FARS2: variants seen among roughly 807,000 people sequenced by gnomAD.
FARS2 encodes the protein phenylalanine--tRNA ligase, mitochondrial.
A neutral mutation model predicts 46.4 loss-of-function variants in FARS2; 40 were observed. That is an observed-to-expected ratio of 0.86 (90% confidence interval 0.67 to 1.12). The LOEUF (loss-of-function observed/expected upper bound fraction) is 1.12, where lower values mean the gene tolerates loss of function less well. Among genes scored for constraint, FARS2 ranks in the 50% most tolerant of loss-of-function variants. The probability of loss-of-function intolerance (pLI) is 0.00; values close to 1 mark genes in which losing one functional copy is unlikely to be tolerated. For synonymous variants in FARS2, 234 were observed against 214.9 expected (o/e 1.09, Z -0.78); for missense variants, 513 against 567.9 (o/e 0.90, Z 0.98).
intron 4 of FARS2, among the ~76,000 whole-genome samples, chr6:5,434,751 C>T (rs1763424109): frequency 6.6e-6 from 1 of 151,538 alleles, no homozygotes; most frequent in Non-Finnish European, 1.5e-5. Context: ...CTCCCCTGCT[C>T]TCCCTTCCTT....
intron 4 of FARS2, among the ~76,000 whole-genome samples, chr6:5,510,301 T>G (rs1342203634): frequency 6.6e-6 from 1 of 152,192 alleles, no homozygotes; most frequent in African/African-American, 2.4e-5. Context: ...AGACTCTGCC[T>G]GGGTCGACCC....
intron 1 of FARS2, among the ~76,000 whole-genome samples, chr6:5,305,182 C>CT (rs1768608652): frequency 6.6e-6 from 1 of 152,196 alleles, no homozygotes. Context: ...TGTTCTAGAT[C>CT]TTTGTCATTG....
rs1299829507 is a variant in FARS2 at position 5,753,454 on chromosome 6, T to C, written c.1218-17837T>C. 2.0e-5 allele frequency among the ~76,000 whole-genome samples: 3 copies of C among 152,320 alleles called. No homozygotes were observed. The South Asian group carries it at 6.2e-4, about 32-fold the overall frequency. ...TGCCTGCATTTGTGAGTTGCTGTTT[T>C]TGTCATTGGAATAGACCAGTTTCTG... is the stretch of plus-strand genomic sequence containing the variant. On this transcript the variant is annotated intron_variant, in intron 6 of 6. Coordinates refer to ENST00000274680, the MANE Select transcript of FARS2 (RefSeq NM_006567.5).
At chr6:5,456,045 T>C (rs1764836366) in intron 4 of FARS2, among the ~76,000 whole-genome samples, 1 of 151,992 alleles carries the variant, frequency 6.6e-6, no homozygotes, top group South Asian at 2.1e-4. Context: ...GGTGAAACCC[T>C]GTCTCTCCAA....
At chr6:5,284,860 G>C in intron 1 of FARS2, among the ~76,000 whole-genome samples, 1 of 152,138 alleles carries the variant, frequency 6.6e-6, no homozygotes. Flanking sequence ...TTTCGACTCC[G>C]GTGATCACTG....
At chr6:5,500,326 A>G (rs1767714587) in intron 4 of FARS2, among the ~76,000 whole-genome samples, 2 of 152,334 alleles carry the variant, frequency 1.3e-5, no homozygotes, top group South Asian at 2.1e-4. Context: ...AGGCTGGGAA[A>G]GTACTCATAG....
At chr6:5,720,787 C>G (rs556172598) in intron 6 of FARS2, among the ~76,000 whole-genome samples, 38 of 152,284 alleles carry the variant, frequency 2.5e-4, no homozygotes, top group African/African-American at 8.7e-4. Context: ...GGCTCATGCT[C>G]TATAGTCCCA....
At chr6:5,592,713 G>A (rs762626905) in intron 5 of FARS2, among the ~76,000 whole-genome samples, 6 of 152,206 alleles carry the variant, frequency 3.9e-5, no homozygotes, top group Non-Finnish European at 7.3e-5. Flanking sequence ...AATGGGGAAG[G>A]CAGCAGACGC....
chr6:5,569,816 T>C (rs1359604925), intron 5 of FARS2, among the ~76,000 whole-genome samples: 1 of 152,060 alleles, frequency 6.6e-6, no homozygotes, highest in Non-Finnish European at 1.5e-5. Flanking sequence ...AGCACTGGCA[T>C]GGGTTGATGC....
At chr6:5,466,103 G>C (rs530553864) in intron 4 of FARS2, among the ~76,000 whole-genome samples, 1 of 152,126 alleles carries the variant, frequency 6.6e-6, no homozygotes, top group Non-Finnish European at 1.5e-5. Flanking sequence ...TTTCAACGGC[G>C]ATGGGTAATG....
At chr6:5,624,176 G>A (rs4960113) in intron 6 of FARS2, among the ~76,000 whole-genome samples, 46,147 of 150,878 alleles carry the variant, frequency 0.31, 7,348 homozygotes, top group African/African-American at 0.4. Flanking sequence ...CTCACAAACT[G>A]TTTTTAGCCT....
At chr6:5,400,346 C>T (rs1301507947) in intron 2 of FARS2, among the ~76,000 whole-genome samples, 1 of 151,642 alleles carries the variant, frequency 6.6e-6, no homozygotes, top group South Asian at 2.1e-4. Context: ...AGTGGTATTA[C>T]CTCTTTGTGG....
chr6:5,392,958 A>G (rs1428494266), intron 2 of FARS2, among the ~76,000 whole-genome samples: 1 of 119,494 alleles, frequency 8.4e-6, no homozygotes, highest in African/African-American at 2.9e-5. Flanking sequence ...ATATACACAT[A>G]AAATATATTG....
At chr6:5,292,649 A>G (rs1767586196) in intron 1 of FARS2, among the ~76,000 whole-genome samples, 1 of 152,190 alleles carries the variant, frequency 6.6e-6, no homozygotes, top group South Asian at 2.1e-4. Flanking sequence ...AGTTTGAGGT[A>G]CCTGAGGGAC....
chr6:5,550,431 A>G (rs1425081792), intron 5 of FARS2, among the ~76,000 whole-genome samples: 1 of 151,998 alleles, frequency 6.6e-6, no homozygotes, highest in Admixed American at 6.6e-5. Context: ...CGCCCAGCCA[A>G]TTTTTTGTGT....
At chr6:5,302,544 A>G (rs73365082) in intron 1 of FARS2, among the ~76,000 whole-genome samples, 1,672 of 152,282 alleles carry the variant, frequency 0.011, 17 homozygotes, top group South Asian at 0.049. Context: ...TGCACACTGA[A>G]TCCTCTCCTC....
chr6:5,454,687 C>T (rs1044167487), intron 4 of FARS2, among the ~76,000 whole-genome samples: 7 of 152,076 alleles, frequency 4.6e-5, no homozygotes, highest in East Asian at 1.9e-4. Flanking sequence ...CTCTCGGTCC[C>T]GATAATCTCC....
At chr6:5,702,621 A>G (rs1758512394) in intron 6 of FARS2, among the ~76,000 whole-genome samples, 4 of 152,256 alleles carry the variant, frequency 2.6e-5, no homozygotes, top group Admixed American at 2.6e-4. Context: ...GCTCCAGGCT[A>G]GATTGGAACT....
chr6:5,692,579 A>T (rs759432030), intron 6 of FARS2, among the ~76,000 whole-genome samples: 3 of 152,230 alleles, frequency 2.0e-5, no homozygotes, highest in Non-Finnish European at 4.4e-5. Flanking sequence ...TTGAAGGAAA[A>T]TAGATAGGCA....
Sources: gnomAD v4.1 joint callset for allele counts (sites outside exome capture counted in the v4.1 genomes callset) on GRCh38, gnomAD v4.1.1 for gene constraint, MANE v1.5 for transcripts, NCBI Gene and HGNC (gene_info 2026-07-23, HGNC 2026-07-21) for gene names.